PIP5K1B: variants seen among roughly 807,000 people sequenced by gnomAD.
The protein encoded by PIP5K1B is phosphatidylinositol 4-phosphate 5-kinase type-1 beta.
In PIP5K1B, 42 loss-of-function variants were observed where a neutral mutation model predicts 67.0. That is an observed-to-expected ratio of 0.63 (90% CI 0.49 to 0.81). The LOEUF (loss-of-function observed/expected upper bound fraction) is 0.81. Among genes scored for constraint, PIP5K1B ranks in the 30% least tolerant of loss-of-function variants. The pLI is 0.00. For missense variants in PIP5K1B, 459 were observed against 646.3 expected (o/e 0.71, Z 3.14); for synonymous variants, 214 against 231.4 (o/e 0.92, Z 0.68).
chr9:68,736,637 C>G (rs187004367), intron 1 of PIP5K1B, among the ~76,000 whole-genome samples: 5 of 152,306 alleles, frequency 3.3e-5, no homozygotes, highest in Admixed American at 2.0e-4. Context: ...AGAATCCACC[C>G]TCACTCCTTG....
intron 14 of PIP5K1B, among the ~76,000 whole-genome samples, chr9:68,957,573 A>G (rs892395162): frequency 2.6e-5 from 4 of 152,252 alleles, no homozygotes; most frequent in African/African-American, 9.6e-5. Context: ...AAACCTGTGT[A>G]GTTTTATGCT....
At chr9:69,006,578 C>T (rs940866894) in intron 15 of PIP5K1B, among the ~76,000 whole-genome samples, 6 of 152,162 alleles carry the variant, frequency 3.9e-5, no homozygotes, top group African/African-American at 1.4e-4. Context: ...GACTCAAAGA[C>T]AACTATTATG....
intron 4 of PIP5K1B, among the ~76,000 whole-genome samples, chr9:68,838,239 A>T (rs1196410098): frequency 1.3e-5 from 2 of 152,094 alleles, no homozygotes; most frequent in Non-Finnish European, 2.9e-5. Context: ...GGTAGCAATC[A>T]TATAATGTGT....
chr9:68,834,372 G>A (rs1008091939), intron 4 of PIP5K1B, among the ~76,000 whole-genome samples: 8 of 152,314 alleles, frequency 5.3e-5, no homozygotes, highest in African/African-American at 1.9e-4. Flanking sequence ...CTCCCAGGCA[G>A]TGGCTGTCAG....
At chr9:68,914,692 G>A (rs941305556) in intron 8 of PIP5K1B, among the ~76,000 whole-genome samples, 5 of 151,962 alleles carry the variant, frequency 3.3e-5, no homozygotes, top group Admixed American at 6.6e-5. Flanking sequence ...TCCAGCCTGG[G>A]CAACAGAGCA....
chr9:68,819,988 C>T (rs10117744), intron 3 of PIP5K1B, among the ~76,000 whole-genome samples: 28,761 of 152,144 alleles, frequency 0.19, 2,776 homozygotes, highest in East Asian at 0.24. Flanking sequence ...GGATGATTCA[C>T]AAAGTAATAA....
At chr9:68,805,752 T>C (rs1832842230) in intron 2 of PIP5K1B, among the ~76,000 whole-genome samples, 1 of 152,188 alleles carries the variant, frequency 6.6e-6, no homozygotes, top group Non-Finnish European at 1.5e-5. Context: ...GCTAGGCTTA[T>C]GGCAGCTTAT....
intron 4 of PIP5K1B, among the ~76,000 whole-genome samples, chr9:68,851,030 C>T (rs1252694453): frequency 6.6e-6 from 1 of 152,128 alleles, no homozygotes; most frequent in Non-Finnish European, 1.5e-5. Flanking sequence ...AATTAAGTGT[C>T]CATAATTTGA....
intron 1 of PIP5K1B, among the ~76,000 whole-genome samples, chr9:68,719,992 G>A (rs1283439700): frequency 2.0e-5 from 3 of 152,130 alleles, no homozygotes; most frequent in African/African-American, 7.2e-5. Flanking sequence ...ATTTTTGTTT[G>A]TTTCTTCATT....
intron 2 of PIP5K1B, among the ~76,000 whole-genome samples, chr9:68,770,278 G>A (rs937979829): frequency 6.6e-5 from 10 of 152,130 alleles, no homozygotes; most frequent in Admixed American, 2.0e-4. Context: ...CTAAGCCTCC[G>A]ACTTCATTAT....
intron 2 of PIP5K1B, among the ~76,000 whole-genome samples, chr9:68,762,150 AG>A (rs1179401670): frequency 1.3e-5 from 2 of 152,240 alleles, no homozygotes; most frequent in East Asian, 3.9e-4. Context: ...TATGTGTAGA[AG>A]GTTCTTTTAC....
intron 14 of PIP5K1B, among the ~76,000 whole-genome samples, chr9:68,976,185 T>C (rs752773383): frequency 2.5e-4 from 38 of 152,220 alleles, no homozygotes; most frequent in Non-Finnish European, 4.6e-4. Flanking sequence ...AGAGAAATAA[T>C]AGTGCTTAGG....
intron 2 of PIP5K1B, among the ~76,000 whole-genome samples, chr9:68,813,961 G>A (rs991887309): frequency 6.6e-6 from 1 of 152,164 alleles, no homozygotes; most frequent in Non-Finnish European, 1.5e-5. Flanking sequence ...ACTTTGTAGC[G>A]ACAGCCCTAG....
At chr9:68,916,033 A>G (rs1826076447) in intron 8 of PIP5K1B, among the ~76,000 whole-genome samples, 1 of 152,178 alleles carries the variant, frequency 6.6e-6, no homozygotes. Context: ...GAACAAGAAC[A>G]AGAAGCACAA....
chr9:68,801,278 T>C (rs1832588053), intron 2 of PIP5K1B, among the ~76,000 whole-genome samples: 1 of 152,130 alleles, frequency 6.6e-6, no homozygotes, highest in Non-Finnish European at 1.5e-5. Context: ...AACTTAGAAT[T>C]CCAGGGATAC....
intron 15 of PIP5K1B, among the ~76,000 whole-genome samples, chr9:68,993,387 A>T (rs765947181): frequency 1.3e-5 from 2 of 152,094 alleles, no homozygotes. Flanking sequence ...CACTTCCTTC[A>T]GGTCTCAGCC....
chr9:68,801,881 G>A (rs920684228), intron 2 of PIP5K1B, among the ~76,000 whole-genome samples: 3 of 152,170 alleles, frequency 2.0e-5, no homozygotes, highest in South Asian at 2.1e-4. Context: ...AGCGCATTTC[G>A]GCCCTTGTGC....
chr9:68,978,225 C>T (rs967497031), intron 14 of PIP5K1B, among the ~76,000 whole-genome samples: 6 of 152,150 alleles, frequency 3.9e-5, no homozygotes, highest in Non-Finnish European at 5.9e-5. Context: ...CACACTGTGC[C>T]TCAGATCTCC....
chr9:68,950,474 C>T (rs1828004962), intron 14 of PIP5K1B, among the ~76,000 whole-genome samples: 2 of 152,226 alleles, frequency 1.3e-5, no homozygotes, highest in Admixed American at 1.3e-4. Context: ...CATACCCATT[C>T]AGCTGCCTTC....
Sources: allele counts gnomAD v4.1 joint callset (sites outside exome capture counted in the v4.1 genomes callset), GRCh38; gene constraint gnomAD v4.1.1; transcripts MANE v1.5; gene names NCBI Gene and HGNC (gene_info 2026-07-23, HGNC 2026-07-21).